Variants in GPHN observed in about 807,000 individuals in gnomAD.
GPHN encodes the protein gephyrin.
GPHN carries 17 observed loss-of-function variants against 95.5 expected under a neutral mutation model. That is an observed-to-expected ratio of 0.18 (90% CI 0.12 to 0.27). The LOEUF is 0.27. Among genes scored for constraint, GPHN ranks in the 10% least tolerant of loss-of-function variants. The pLI is 1.00. For synonymous variants in GPHN, 320 were observed against 322.5 expected, an observed-to-expected ratio of 0.99 and a Z score of 0.08; for missense variants, 660 against 978.1, an observed-to-expected ratio of 0.67 and a Z score of 4.34.
the GPHN span, chr14:67,620,226 C>G: frequency 2.3e-6 from 1 of 430,150 alleles, no homozygotes. Context: ...GGCCGGTTCC[C>G]GCTACTGGGC....
At chr14:67,720,138 G>C in the GPHN span, among the ~76,000 whole-genome samples, 6 of 152,300 alleles carry the variant, frequency 3.9e-5, no homozygotes, top group East Asian at 9.6e-4. Flanking sequence ...GTGAAAAGTG[G>C]CTCCCAGTAT....
At chr14:66,513,149 C>T (rs1404552469) in intron 1 of GPHN, among the ~76,000 whole-genome samples, 2 of 151,584 alleles carry the variant, frequency 1.3e-5, no homozygotes, top group Non-Finnish European at 3.0e-5. Flanking sequence ...AATGAATATA[C>T]TTAGTACTAT....
chr14:66,584,671 T>G (rs1029309944), intron 1 of GPHN, among the ~76,000 whole-genome samples: 3 of 152,198 alleles, frequency 2.0e-5, no homozygotes, highest in African/African-American at 7.2e-5. Flanking sequence ...TTTGGTTTTG[T>G]TTATATGCTG....
chr14:67,691,035 G>A, the GPHN span: 11 of 768,824 alleles, frequency 1.4e-5, no homozygotes, highest in Non-Finnish European at 2.6e-5. Flanking sequence ...GGTCTATTAT[G>A]GTCCTGAGGT....
At chr14:67,309,514 T>G in the GPHN span, among the ~76,000 whole-genome samples, 1 of 152,190 alleles carries the variant, frequency 6.6e-6, no homozygotes, top group South Asian at 2.1e-4. Context: ...AAGTAAAGCA[T>G]GTTCTCTTCC....
chr14:67,684,728 T>C, the GPHN span: 2 of 226,834 alleles, frequency 8.8e-6, no homozygotes, highest in African/African-American at 4.5e-5. Context: ...TGTAAAACAA[T>C]AGAATTAGGA....
chr14:67,462,375 G>A, the GPHN span, among the ~76,000 whole-genome samples: 8 of 152,196 alleles, frequency 5.3e-5, no homozygotes, highest in Non-Finnish European at 8.8e-5. Context: ...TAGAGAGCCA[G>A]GTTCTTACTC....
At chr14:67,331,446 C>T in the GPHN span, among the ~76,000 whole-genome samples, 1 of 151,444 alleles carries the variant, frequency 6.6e-6, no homozygotes, top group African/African-American at 2.4e-5. Context: ...AAAATGATGG[C>T]GTTACAAAAT....
At chr14:67,308,632 G>A in the GPHN span, among the ~76,000 whole-genome samples, 2 of 145,904 alleles carry the variant, frequency 1.4e-5, no homozygotes, top group East Asian at 2.0e-4. Flanking sequence ...TGCAACCTCC[G>A]CCTCCTGGGT....
intron 18 of GPHN, among the ~76,000 whole-genome samples, chr14:67,144,965 T>C (rs2080815040): frequency 6.6e-6 from 1 of 152,162 alleles, no homozygotes; most frequent in African/African-American, 2.4e-5. Context: ...CCTCAAAGTC[T>C]CCCAGAGTCT....
At chr14:66,932,392 T>C (rs1231236528) in intron 8 of GPHN, among the ~76,000 whole-genome samples, 1 of 141,756 alleles carries the variant, frequency 7.1e-6, no homozygotes, top group Non-Finnish European at 1.5e-5. Context: ...TTGTGTTTAC[T>C]GAAAGACCAA....
intron 1 of GPHN, among the ~76,000 whole-genome samples, chr14:66,542,080 C>A (rs971119874): frequency 2.0e-5 from 3 of 152,112 alleles, no homozygotes; most frequent in Admixed American, 2.0e-4. Context: ...TGCATATACC[C>A]TCAGCTTTCT....
intron 8 of GPHN, among the ~76,000 whole-genome samples, chr14:66,930,332 G>C (rs2066719458): frequency 1.3e-5 from 2 of 151,526 alleles, no homozygotes; most frequent in Admixed American, 1.3e-4. Context: ...TTGGTTTGAG[G>C]TTACCATGAG....
chr14:66,880,970 C>G (rs960493020), intron 5 of GPHN, among the ~76,000 whole-genome samples: 16 of 151,900 alleles, frequency 1.1e-4, no homozygotes, highest in African/African-American at 3.9e-4. Context: ...AAATAAATAG[C>G]AGCTGTATAG....
intron 1 of GPHN, among the ~76,000 whole-genome samples, chr14:66,665,332 AT>A (rs1242467859): frequency 1.3e-5 from 2 of 152,144 alleles, no homozygotes; most frequent in African/African-American, 4.8e-5. Flanking sequence ...ATGGGAGAAA[AT>A]TTTTGCAATC....
intron 8 of GPHN, among the ~76,000 whole-genome samples, chr14:66,955,625 T>C (rs2068442400): frequency 6.6e-6 from 1 of 152,204 alleles, no homozygotes; most frequent in Non-Finnish European, 1.5e-5. Flanking sequence ...TATGTATACA[T>C]GTGCCATGTT....
intron 9 of GPHN, among the ~76,000 whole-genome samples, chr14:66,987,543 A>T (rs2071106957): frequency 6.6e-6 from 1 of 152,104 alleles, no homozygotes; most frequent in Admixed American, 6.6e-5. Flanking sequence ...AAATCAGTTT[A>T]TATTAATATG....
chr14:67,735,163 A>G, the GPHN span: 2 of 1,037,032 alleles, frequency 1.9e-6, no homozygotes, highest in Non-Finnish European at 3.1e-6. Context: ...GCATTTTCAG[A>G]ATATTAAGCC....
At chr14:67,497,355 G>A in the GPHN span, among the ~76,000 whole-genome samples, 5 of 152,086 alleles carry the variant, frequency 3.3e-5, no homozygotes, top group Non-Finnish European at 7.4e-5. Context: ...TACAAATACC[G>A]AGACACTGTA....
Sources: gnomAD v4.1 joint callset for allele counts (sites outside exome capture counted in the v4.1 genomes callset) on GRCh38, gnomAD v4.1.1 for gene constraint, MANE v1.5 for transcripts, NCBI Gene and HGNC (gene_info 2026-07-23, HGNC 2026-07-21) for gene names.